EDIL3: variants seen among roughly 807,000 people sequenced by gnomAD.
EDIL3 encodes EGF-like repeat and discoidin I-like domain-containing protein 3.
In EDIL3, 37 loss-of-function variants were observed where a neutral mutation model predicts 67.4. The ratio of observed to expected loss-of-function variants is 0.55; its 90% CI spans 0.42 to 0.72. EDIL3 has a LOEUF of 0.72. Among genes scored for constraint, EDIL3 ranks in the 30% least tolerant of loss-of-function variants. The probability of loss-of-function intolerance (pLI) is 0.00; values close to 1 mark genes in which losing one functional copy is unlikely to be tolerated. For missense variants in EDIL3, 527 were observed against 586.3 expected (o/e 0.90, Z 1.04); for synonymous variants, 195 against 196.3 (o/e 0.99, Z 0.05).
chr5:84,176,204 T>TATATATA (rs1748905720), intron 4 of EDIL3, among the ~76,000 whole-genome samples: 1 of 20,218 alleles, frequency 4.9e-5, no homozygotes, highest in Non-Finnish European at 9.9e-5. Context: ...ATATAATATA[T>TATATATA]ATATATATAT....
intron 3 of EDIL3, among the ~76,000 whole-genome samples, chr5:84,213,241 T>C (rs1175152501): frequency 2.6e-5 from 4 of 152,076 alleles, no homozygotes; most frequent in Admixed American, 6.5e-5. Context: ...AACTAACTTA[T>C]TGTGTTAAGA....
At chr5:83,967,190 A>G (rs186160584) in intron 9 of EDIL3, among the ~76,000 whole-genome samples, 84 of 152,098 alleles carry the variant, frequency 5.5e-4, no homozygotes, top group Non-Finnish European at 1.1e-3. Flanking sequence ...GTGTGGTGGC[A>G]TACACCTGTA....
intron 4 of EDIL3, among the ~76,000 whole-genome samples, chr5:84,162,263 T>G (rs1748627506): frequency 6.6e-6 from 1 of 152,038 alleles, no homozygotes; most frequent in South Asian, 2.1e-4. Flanking sequence ...TCTTGCTCCA[T>G]AGAGAGGAGT....
intron 9 of EDIL3, chr5:84,047,927 GACATCAT>G (rs1490057227): frequency 6.5e-6 from 1 of 152,824 alleles, no homozygotes; most frequent in African/African-American, 2.4e-5. Context: ...GATTCCCTTT[GACATCAT>G]AAAATTATAA....
At chr5:84,017,929 G>T (rs2112187899) in intron 9 of EDIL3, among the ~76,000 whole-genome samples, 1 of 152,216 alleles carries the variant, frequency 6.6e-6, no homozygotes, top group Admixed American at 6.5e-5. Flanking sequence ...TCCAGGAAAG[G>T]TTCCCTAATA....
At chr5:84,363,461 A>G (rs188912692) in intron 1 of EDIL3, among the ~76,000 whole-genome samples, 1,645 of 152,110 alleles carry the variant, frequency 0.011, 30 homozygotes, top group African/African-American at 0.038. Context: ...AAAAAAAAAA[A>G]AGAGCTAATT....
At chr5:84,197,541 C>T (rs1328741927) in intron 3 of EDIL3, among the ~76,000 whole-genome samples, 1 of 151,864 alleles carries the variant, frequency 6.6e-6, no homozygotes, top group African/African-American at 2.4e-5. Flanking sequence ...CGCCTGTATT[C>T]CCAGTTACTT....
intron 9 of EDIL3, among the ~76,000 whole-genome samples, chr5:84,031,451 T>C (rs1391623217): frequency 6.6e-6 from 1 of 152,196 alleles, no homozygotes; most frequent in Non-Finnish European, 1.5e-5. Flanking sequence ...GGCTGTGACT[T>C]AGTTGGTAAA....
chr5:84,243,735 C>G (rs1416257275), intron 2 of EDIL3, among the ~76,000 whole-genome samples: 1 of 152,112 alleles, frequency 6.6e-6, no homozygotes, highest in Non-Finnish European at 1.5e-5. Flanking sequence ...ATTTTGCCCT[C>G]CCTATTTTTC....
intron 1 of EDIL3, among the ~76,000 whole-genome samples, chr5:84,338,761 G>T (rs566841539): frequency 3.4e-4 from 52 of 152,256 alleles, no homozygotes; most frequent in African/African-American, 1.2e-3. Context: ...ACTAGGAAAA[G>T]AAATTACTGT....
intron 4 of EDIL3, 106 bp from the exon 5 acceptor site, chr5:84,137,460 T>C: frequency 2.1e-6 from 2 of 956,870 alleles, no homozygotes; most frequent in Non-Finnish European, 1.6e-6. Flanking sequence ...ATGCTATTCC[T>C]TTGTGTGTGT....
chr5:83,949,675 T>C (rs1212202298), intron 10 of EDIL3, among the ~76,000 whole-genome samples: 2 of 151,830 alleles, frequency 1.3e-5, no homozygotes, highest in Non-Finnish European at 2.9e-5. Context: ...TTAGGATGTG[T>C]CAAATCTAGT....
At chr5:84,175,769 G>A (rs751882714) in intron 4 of EDIL3, among the ~76,000 whole-genome samples, 2 of 152,084 alleles carry the variant, frequency 1.3e-5, no homozygotes, top group Non-Finnish European at 2.9e-5. Flanking sequence ...GAAGGTAGTG[G>A]TCATTCCTTA....
chr5:84,214,359 T>A (rs1484294285), intron 3 of EDIL3, among the ~76,000 whole-genome samples: 1 of 152,094 alleles, frequency 6.6e-6, no homozygotes, highest in Non-Finnish European at 1.5e-5. Flanking sequence ...GTATCTTATA[T>A]AAAATGGCAT....
At chr5:84,296,711 A>C (rs1746057922) in intron 1 of EDIL3, among the ~76,000 whole-genome samples, 1 of 152,168 alleles carries the variant, frequency 6.6e-6, no homozygotes, top group Non-Finnish European at 1.5e-5. Flanking sequence ...GTTTTTGGCA[A>C]CTTCATCATA....
chr5:84,157,830 C>A, intron 4 of EDIL3, among the ~76,000 whole-genome samples: 1 of 151,914 alleles, frequency 6.6e-6, no homozygotes, highest in Middle Eastern at 3.4e-3. Flanking sequence ...AAAAAAATAA[C>A]GTAACGCTAA....
At position 84,287,504 on chromosome 5, in the gene EDIL3, TAATAC is replaced by T. The variant is rs549307285; in HGVS notation, c.68-33297_68-33293del. On this transcript the variant is annotated intron_variant, in intron 1 of 10. Coordinates refer to ENST00000296591, the MANE Select transcript of EDIL3 (RefSeq NM_005711.5). ...TTTAAATATCTGTCAAAATGATTGC[TAATAC>T]AATTTGGAATTCAGGTTGAATTTTG... 1.8e-3 allele frequency among the ~76,000 whole-genome samples: 269 copies of T among 152,274 alleles called. 1 individual carries two copies. The highest frequency in any genetic ancestry group is 3.4e-3 in the Middle Eastern group (1 of 294).
chr5:84,376,885 A>C (rs1747978174), intron 1 of EDIL3, among the ~76,000 whole-genome samples: 1 of 152,244 alleles, frequency 6.6e-6, no homozygotes, highest in Admixed American at 6.5e-5. Context: ...TGCGAATGGT[A>C]ATTTGGTTTT....
At chr5:84,075,364 A>G (rs1746831395) in intron 6 of EDIL3, among the ~76,000 whole-genome samples, 1 of 152,180 alleles carries the variant, frequency 6.6e-6, no homozygotes, top group Non-Finnish European at 1.5e-5. Flanking sequence ...ATAAAAATAA[A>G]AAAGTAAACA....
Sources: gnomAD v4.1 joint callset for allele counts (sites outside exome capture counted in the v4.1 genomes callset) on GRCh38, gnomAD v4.1.1 for gene constraint, MANE v1.5 for transcripts, NCBI Gene and HGNC (gene_info 2026-07-23, HGNC 2026-07-21) for gene names.